Variants in LAMA2 observed in about 807,000 individuals in gnomAD.
LAMA2 encodes the protein laminin subunit alpha-2.
Under a neutral mutation model 364.8 loss-of-function variants are expected in LAMA2, and 269 were observed. The observed-to-expected ratio is 0.74, with a 90% CI of 0.67 to 0.82. The LOEUF (loss-of-function observed/expected upper bound fraction) is 0.82. LAMA2 is among the 40% of genes least tolerant of loss of function. The pLI is 0.00. For synonymous variants in LAMA2, 1,379 were observed against 1,370.6 expected, an observed-to-expected ratio of 1.01 and a Z score of -0.14; for missense variants, 3,807 against 3,873.2, an observed-to-expected ratio of 0.98 and a Z score of 0.45.
At chr6:129,022,512 G>T (rs1785509138) in intron 1 of LAMA2, among the ~76,000 whole-genome samples, 1 of 152,118 alleles carries the variant, frequency 6.6e-6, no homozygotes, top group African/African-American at 2.4e-5. Flanking sequence ...TGGTGCTTAA[G>T]AAATTGTACT....
chr6:128,979,804 A>AT (rs752310199), intron 1 of LAMA2, among the ~76,000 whole-genome samples: 25 of 152,320 alleles, frequency 1.6e-4, no homozygotes, highest in Non-Finnish European at 2.6e-4. Context: ...ACTAAGGTGG[A>AT]TTTTGCCTCC....
At chr6:129,024,522 T>TACAG (rs1785673156) in intron 1 of LAMA2, among the ~76,000 whole-genome samples, 1 of 151,838 alleles carries the variant, frequency 6.6e-6, no homozygotes, top group Non-Finnish European at 1.5e-5. Flanking sequence ...TAGCTGGGAT[T>TACAG]ACAGGCACCT....
chr6:129,298,656 C>T (rs1773356193), intron 21 of LAMA2, among the ~76,000 whole-genome samples: 1 of 152,112 alleles, frequency 6.6e-6, no homozygotes, highest in African/African-American at 2.4e-5. Context: ...ACTCTCAGCA[C>T]CATGGTAAGA....
chr6:129,395,446 C>T (rs1369343515), intron 37 of LAMA2, among the ~76,000 whole-genome samples: 1 of 152,152 alleles, frequency 6.6e-6, no homozygotes, highest in African/African-American at 2.4e-5. Context: ...GCAGCCTCAG[C>T]GTAACCTAGC....
chr6:129,169,543 G>A (rs1300381980), intron 9 of LAMA2, among the ~76,000 whole-genome samples: 1 of 151,778 alleles, frequency 6.6e-6, no homozygotes, highest in Non-Finnish European at 1.5e-5. Context: ...GCTTTTTGAT[G>A]TGCTGCTGGA....
At chr6:129,256,664 A>G (rs904172746) in intron 14 of LAMA2, among the ~76,000 whole-genome samples, 1 of 150,930 alleles carries the variant, frequency 6.6e-6, no homozygotes, top group Non-Finnish European at 1.5e-5. Flanking sequence ...TAGCTGCAAA[A>G]GTATCAGTTT....
intron 1 of LAMA2, among the ~76,000 whole-genome samples, chr6:129,018,700 A>G (rs772563680): frequency 8.6e-5 from 13 of 152,020 alleles, no homozygotes; most frequent in Admixed American, 1.3e-4. Context: ...TCATCAATTG[A>G]CATTCCTTTT....
In LAMA2 at chr6:129,034,166, A is replaced by G. The variant is rs115342868; in HGVS notation, c.113-15752A>G. Among the ~76,000 whole-genome samples the G allele has an allele frequency of 2.5e-3, 384 of 152,280 alleles. 2 individuals carry two copies. The highest frequency in any genetic ancestry group is 8.8e-3 in the African/African-American group (366 of 41,578). ...TTGAAGTTAGACAAGAATCTATTTA[A>G]TCAAACTCTAGATATGATGTTTTGC... On this transcript the variant is annotated intron_variant, in intron 1 of 64. Coordinates refer to ENST00000421865, the MANE Select transcript of LAMA2 (RefSeq NM_000426.4).
chr6:129,007,053 TAC>T (rs2114687101), intron 1 of LAMA2, among the ~76,000 whole-genome samples: 1 of 152,298 alleles, frequency 6.6e-6, no homozygotes, highest in East Asian at 1.9e-4. Flanking sequence ...TTATTTATCA[TAC>T]AGTGTTTCCA....
intron 1 of LAMA2, among the ~76,000 whole-genome samples, chr6:128,947,946 T>C (rs918182460): frequency 3.3e-5 from 5 of 152,170 alleles, no homozygotes; most frequent in South Asian, 2.1e-4. Context: ...ATTTGAAATA[T>C]AGGTGACAGA....
intron 1 of LAMA2, among the ~76,000 whole-genome samples, chr6:128,903,949 C>A (rs980762639): frequency 7.2e-5 from 11 of 152,154 alleles, no homozygotes; most frequent in Admixed American, 3.9e-4. Context: ...CATCCAGCTG[C>A]AGGTAATTGT....
chr6:129,329,251 G>T (rs1185999480), intron 29 of LAMA2, among the ~76,000 whole-genome samples: 5 of 152,068 alleles, frequency 3.3e-5, no homozygotes, highest in African/African-American at 1.2e-4. Flanking sequence ...AAAATACCCC[G>T]CAGAATCCTC....
intron 1 of LAMA2, among the ~76,000 whole-genome samples, chr6:128,982,464 CAT>C (rs1043681859): frequency 6.6e-6 from 1 of 152,056 alleles, no homozygotes; most frequent in Non-Finnish European, 1.5e-5. Flanking sequence ...ATCTCAAAAA[CAT>C]AACATTGAGT....
At chr6:129,200,720 G>T (rs968177841) in intron 12 of LAMA2, among the ~76,000 whole-genome samples, 2 of 151,926 alleles carry the variant, frequency 1.3e-5, no homozygotes, top group African/African-American at 4.8e-5. Flanking sequence ...AATGCTATCA[G>T]TGTGAAAATA....
chr6:129,181,003 G>A (rs906800308), intron 10 of LAMA2, among the ~76,000 whole-genome samples: 1 of 152,014 alleles, frequency 6.6e-6, no homozygotes, highest in Non-Finnish European at 1.5e-5. Flanking sequence ...TGAAATGGGG[G>A]CTAGAAAATT....
At position 129,178,686 on chromosome 6, in the gene LAMA2, C is replaced by T. The variant is rs573851325; in HGVS notation, c.1467+820C>T. ...TTCTTTATTTTCAATTAAAGAGGGA[C>T]CCTTATTAAAAATATTTTTATTAAC... On this transcript the variant is annotated intron_variant, in intron 10 of 64. Transcript: ENST00000421865. 1.1e-3 allele frequency among the ~76,000 whole-genome samples: 162 copies of T among 152,084 alleles called. 1 individual carries two copies. The highest frequency in any genetic ancestry group is 3.8e-3 in the African/African-American group (159 of 41,496).
chr6:129,114,368 A>G (rs1470943907), intron 4 of LAMA2, among the ~76,000 whole-genome samples: 2 of 152,042 alleles, frequency 1.3e-5, no homozygotes, highest in East Asian at 3.9e-4. Context: ...AAATGAGTAA[A>G]CAAGTCATCT....
chr6:129,431,891 C>T (rs73774881), intron 41 of LAMA2, among the ~76,000 whole-genome samples: 4,835 of 152,164 alleles, frequency 0.032, 265 homozygotes, highest in African/African-American at 0.11. Flanking sequence ...CACTTGCAAA[C>T]GCTAACCTGT....
chr6:129,049,651 G>A (rs1377985291), intron 1 of LAMA2, among the ~76,000 whole-genome samples: 1 of 152,052 alleles, frequency 6.6e-6, no homozygotes, highest in Non-Finnish European at 1.5e-5. Context: ...CCTAGAGACA[G>A]GACCTTCTTC....
Sources: gnomAD v4.1 joint callset for allele counts (sites outside exome capture counted in the v4.1 genomes callset) on GRCh38, gnomAD v4.1.1 for gene constraint, MANE v1.5 for transcripts, NCBI Gene and HGNC (gene_info 2026-07-23, HGNC 2026-07-21) for gene names.